The following XRRA1 variants were observed in gnomAD, a reference collection of about 807,000 sequenced individuals.
XRRA1 encodes the protein X-ray radiation resistance associated 1, also known as X-ray radiation resistance-associated protein 1.
Under a neutral mutation model 80.2 loss-of-function variants are expected in XRRA1, and 69 were observed. The observed-to-expected ratio is 0.86, with a 90% CI of 0.71 to 1.05. XRRA1 has a LOEUF of 1.05. Ranked by LOEUF, XRRA1 falls within the 50% of genes least tolerant of loss-of-function variation. XRRA1 has a pLI of 0.00. For synonymous variants in XRRA1, 348 were observed against 389.9 expected, an observed-to-expected ratio of 0.89 and a Z score of 1.27; for missense variants, 967 against 976.4, an observed-to-expected ratio of 0.99 and a Z score of 0.13.
In XRRA1 at chr11:74,903,261, G is replaced by T. The variant is rs374418710; in HGVS notation, c.1003+2978C>A. ...TACTCCAGGAAAACCCTGGCACAGT[G>T]GTATATGCAAAAGATGTTCACAAGG... On this transcript the variant is annotated intron_variant, in intron 10 of 18. Transcript: ENST00000684022. 2.6e-4 allele frequency among the ~76,000 whole-genome samples: 39 copies of T among 152,228 alleles called. 1 individual carries two copies. The highest frequency in any genetic ancestry group is 8.4e-4 in the African/African-American group (35 of 41,532).
chr11:74,943,888 C>T (rs1338875285), intron 2 of XRRA1, among the ~76,000 whole-genome samples: 6 of 152,044 alleles, frequency 3.9e-5, no homozygotes, highest in African/African-American at 1.4e-4. Flanking sequence ...GTGGCACAAT[C>T]ACGGCTCATT....
chr11:74,933,586 A>G, intron 5 of XRRA1: 2 of 487,094 alleles, frequency 4.1e-6, no homozygotes, highest in South Asian at 3.0e-5. Context: ...TTCATATCAA[A>G]TAGGACAAGG....
chr11:74,941,128 T>C (rs747081454), intron 2 of XRRA1, among the ~76,000 whole-genome samples: 4 of 152,188 alleles, frequency 2.6e-5, no homozygotes, highest in Non-Finnish European at 5.9e-5. Context: ...AGAAAGAACA[T>C]GATCCTCCAG....
intron 8 of XRRA1, among the ~76,000 whole-genome samples, chr11:74,916,261 T>G (rs1441415196): frequency 6.6e-6 from 1 of 152,200 alleles, no homozygotes; most frequent in Non-Finnish European, 1.5e-5. Context: ...CTCTCCGTGC[T>G]TTCTCTCTTC....
chr11:74,857,654 A>C (rs1252533989), intron 12 of XRRA1, among the ~76,000 whole-genome samples: 1 of 152,212 alleles, frequency 6.6e-6, no homozygotes, highest in Non-Finnish European at 1.5e-5. Context: ...AAACTGCAGA[A>C]TATACATAGT....
In XRRA1 at chr11:74,845,191, T is replaced by G. The variant is rs1198541897; in HGVS notation, c.1809A>C (p.Ala603=). 1 of 1,614,058 alleles carries G rather than the reference T, an allele frequency of 6.2e-7. No individual in the cohort carries two copies. The highest frequency in any genetic ancestry group is 1.1e-5 in the South Asian group (1 of 91,076). ...TCCGAGTCCCTTTCACCTCTCTGGG[T>G]GCCGTTGGTGGTTTCTTTTGGTCTT... ...KEKDQKKPPT[A]PREVKGTRRK... is the part of the protein sequence containing the mutation. Residue 603 remains alanine, a synonymous_variant, in exon 16 of 19, where the codon GCA becomes GCC. Transcript: ENST00000684022.
intron 10 of XRRA1, among the ~76,000 whole-genome samples, chr11:74,897,779 A>G (rs1476201290): frequency 6.6e-6 from 1 of 151,968 alleles, no homozygotes; most frequent in East Asian, 1.9e-4. Flanking sequence ...TTCTTTAAGC[A>G]TGAAGGAGAA....
intron 10 of XRRA1, among the ~76,000 whole-genome samples, chr11:74,864,345 A>C (rs1404903808): frequency 6.6e-6 from 1 of 152,196 alleles, no homozygotes; most frequent in Admixed American, 6.5e-5. Context: ...AGAATGCAAA[A>C]AGGCAGAGAG....
At chr11:74,873,593 C>CT (rs1218680427) in intron 10 of XRRA1, among the ~76,000 whole-genome samples, 3 of 152,336 alleles carry the variant, frequency 2.0e-5, no homozygotes, top group South Asian at 4.1e-4. Flanking sequence ...AAGGACCTCT[C>CT]TGAGTTTTCC....
intron 1 of XRRA1, among the ~76,000 whole-genome samples, chr11:74,948,257 A>T (rs9787897): frequency 0.25 from 37,856 of 151,938 alleles, 5,627 homozygotes; most frequent in East Asian, 0.53. Flanking sequence ...TAGTTCCACC[A>T]GAGTAGCAAC....
chr11:74,937,448 T>C lies in XRRA1; in HGVS notation c.95-380A>G, dbSNP rs569444792. Among the ~76,000 whole-genome samples, 50 of 152,288 alleles carry C rather than the reference T, an allele frequency of 3.3e-4. 2 individuals carry two copies. The South Asian group carries it at 9.7e-3, about 30-fold the overall frequency. On this transcript the variant is annotated intron_variant, in intron 3 of 18. Transcript: ENST00000684022. Reference sequence around the variant, plus strand: ...CCCCTCAGTAGAGCTGATCCCTCTTTCTCATGCATGCCAGTTACTCTCCTA... The same window carrying C: ...CCCCTCAGTAGAGCTGATCCCTCTTCCTCATGCATGCCAGTTACTCTCCTA...
chr11:74,881,269 A>T (rs1220333449), intron 10 of XRRA1, among the ~76,000 whole-genome samples: 1 of 151,522 alleles, frequency 6.6e-6, no homozygotes, highest in Non-Finnish European at 1.5e-5. Flanking sequence ...GTTTTATCCG[A>T]GACTAGGATT....
chr11:74,908,995 G>C (rs962064620), intron 8 of XRRA1, among the ~76,000 whole-genome samples: 4 of 152,062 alleles, frequency 2.6e-5, no homozygotes, highest in African/African-American at 9.7e-5. Context: ...CTTCCAGGCT[G>C]CTCCACGGTG....
chr11:74,908,870 G>A (rs2055223212), intron 8 of XRRA1, among the ~76,000 whole-genome samples: 1 of 152,178 alleles, frequency 6.6e-6, no homozygotes, highest in Non-Finnish European at 1.5e-5. Context: ...ATAATTAGTA[G>A]CTATAGGCAG....
intron 14 of XRRA1, among the ~76,000 whole-genome samples, chr11:74,849,723 C>CT (rs1267647281): frequency 3.5e-4 from 54 of 152,326 alleles, no homozygotes; most frequent in African/African-American, 1.2e-3. Flanking sequence ...CTGGGCCCTG[C>CT]TTCAGTCGTG....
At chr11:74,921,119 C>T (rs1591431697) in intron 8 of XRRA1, 95 bp downstream of exon 8, 2 of 1,507,450 alleles carry the variant, frequency 1.3e-6, no homozygotes, top group East Asian at 2.3e-5. Context: ...TGAGCACTTA[C>T]AGCCTATCTT....
rs758982331 is a variant in XRRA1 at position 74,843,358 on chromosome 11, G to A, written c.2245C>T (p.Arg749Trp). 1.2e-5 allele frequency: 19 copies of A among 1,611,264 alleles called. No homozygotes were observed. The highest frequency in any genetic ancestry group is 5.0e-5 in the Admixed American group (3 of 59,648). ...RLLKEFQARY[R>W]QLVSGSLRTV... The stretch of plus-strand genomic sequence containing the variant: ...CGCAGAGAGCCACTCACCAGCTGCC[G>A]GTAACGTGCCTGGAACTCCTTCAAC... Residue 749 changes from arginine (R) to tryptophan (W), a missense_variant, in exon 19 of 19, where the codon CGG (arginine) becomes TGG (tryptophan). By Grantham distance (101) the Arg-to-Trp change is moderately radical (BLOSUM62 -3). Coordinates refer to ENST00000684022, the MANE Select transcript of XRRA1 (RefSeq NM_001378157.1).
At chr11:74,844,145 C>T in intron 17 of XRRA1, 23 bp downstream of exon 17, 1 of 1,605,514 alleles carries the variant, frequency 6.2e-7, no homozygotes, top group South Asian at 1.1e-5. Context: ...GCCATTTACA[C>T]ATTCAGTGAG....
chr11:74,916,954 T>C (rs536763270), intron 8 of XRRA1, among the ~76,000 whole-genome samples: 1 of 152,356 alleles, frequency 6.6e-6, no homozygotes, highest in Admixed American at 6.5e-5. Context: ...CCTCTGTATA[T>C]GCAGCTGATT....
Sources: gnomAD v4.1 joint callset for allele counts (sites outside exome capture counted in the v4.1 genomes callset) on GRCh38, gnomAD v4.1.1 for gene constraint, MANE v1.5 for transcripts, NCBI Gene and HGNC (gene_info 2026-07-23, HGNC 2026-07-21) for gene names.